Variants in LRMDA observed in about 807,000 individuals in gnomAD.
LRMDA encodes the protein leucine rich melanocyte differentiation associated.
In LRMDA, 18 loss-of-function variants were observed where a neutral mutation model predicts 29.8. The observed-to-expected ratio is 0.60, with a 90% confidence interval of 0.42 to 0.90. LRMDA has a LOEUF of 0.90. LRMDA is among the 40% of genes least tolerant of loss of function. LRMDA has a pLI of 0.00. For synonymous variants in LRMDA, 125 were observed against 109.4 expected (o/e 1.14, Z -0.89); for missense variants, 273 against 273.9 (o/e 1.00, Z 0.02).
intron 5 of LRMDA, among the ~76,000 whole-genome samples, chr10:76,059,543 T>A (rs564491489): frequency 1.3e-5 from 2 of 152,300 alleles, no homozygotes; most frequent in South Asian, 4.1e-4. Flanking sequence ...TGACCCCTGA[T>A]GATCTCCTTG....
chr10:76,121,461 G>A (rs1034760613), intron 5 of LRMDA, among the ~76,000 whole-genome samples: 1 of 152,170 alleles, frequency 6.6e-6, no homozygotes, highest in African/African-American at 2.4e-5. Context: ...ATCCACAATT[G>A]TCTGTCATCT....
intron 5 of LRMDA, among the ~76,000 whole-genome samples, chr10:76,225,464 C>A (rs1851935338): frequency 6.6e-6 from 1 of 151,748 alleles, no homozygotes; most frequent in South Asian, 2.1e-4. Context: ...GAGGTGGGGC[C>A]TAATGGGACC....
chr10:76,045,976 G>A (rs570043131), intron 3 of LRMDA, among the ~76,000 whole-genome samples: 3 of 152,304 alleles, frequency 2.0e-5, no homozygotes, highest in African/African-American at 7.2e-5. Flanking sequence ...CCTTTTCTTT[G>A]ATTTTACCTT....
chr10:76,211,772 G>A (rs1472132362), intron 5 of LRMDA, among the ~76,000 whole-genome samples: 1 of 152,218 alleles, frequency 6.6e-6, no homozygotes, highest in African/African-American at 2.4e-5. Flanking sequence ...CAATTCCTTA[G>A]TTTGTTGTTG....
chr10:75,679,069 A>G (rs1294648056), intron 2 of LRMDA, among the ~76,000 whole-genome samples: 2 of 152,164 alleles, frequency 1.3e-5, no homozygotes, highest in African/African-American at 4.8e-5. Context: ...GAAGACCTTC[A>G]GAGTTGGAGG....
At chr10:75,579,021 C>A (rs1840549842) in intron 2 of LRMDA, among the ~76,000 whole-genome samples, 1 of 151,970 alleles carries the variant, frequency 6.6e-6, no homozygotes, top group African/African-American at 2.4e-5. Context: ...GAAGCAGGAG[C>A]AAACAAATTC....
At chr10:75,557,747 C>A (rs1425977756) in intron 2 of LRMDA, among the ~76,000 whole-genome samples, 1 of 152,168 alleles carries the variant, frequency 6.6e-6, no homozygotes, top group African/African-American at 2.4e-5. Context: ...GCGATTTGTC[C>A]ACCCTTTAAG....
chr10:75,957,723 T>G (rs183754705), intron 2 of LRMDA, among the ~76,000 whole-genome samples: 2 of 152,198 alleles, frequency 1.3e-5, no homozygotes, highest in Non-Finnish European at 2.9e-5. Context: ...TTCATTTTCT[T>G]GAAAGTGCAT....
chr10:75,984,085 C>T (rs973835548), intron 2 of LRMDA, among the ~76,000 whole-genome samples: 7 of 152,160 alleles, frequency 4.6e-5, no homozygotes, highest in Admixed American at 2.0e-4. Context: ...ACCACAAGGT[C>T]GTGTGAGAAT....
chr10:75,951,546 C>T (rs910970285), intron 2 of LRMDA, among the ~76,000 whole-genome samples: 3 of 152,188 alleles, frequency 2.0e-5, no homozygotes, highest in Non-Finnish European at 2.9e-5. Flanking sequence ...AAGACCTGGA[C>T]GGCACTGCCA....
At chr10:75,928,370 T>C (rs1193285868) in intron 2 of LRMDA, among the ~76,000 whole-genome samples, 1 of 151,924 alleles carries the variant, frequency 6.6e-6, no homozygotes, top group Non-Finnish European at 1.5e-5. Flanking sequence ...CGTGATACAA[T>C]TTAAAAGGCC....
intron 2 of LRMDA, among the ~76,000 whole-genome samples, chr10:75,544,357 A>G (rs1840052657): frequency 6.6e-6 from 1 of 152,224 alleles, no homozygotes. Flanking sequence ...TTTCTAAACT[A>G]TCTCACAAAA....
chr10:75,600,565 AG>A (rs1210635987), intron 2 of LRMDA, among the ~76,000 whole-genome samples: 1 of 152,186 alleles, frequency 6.6e-6, no homozygotes, highest in Non-Finnish European at 1.5e-5. Context: ...CTGGGAAGAA[AG>A]AGGTCATGAG....
chr10:75,656,922 A>G (rs1024349839), intron 2 of LRMDA, among the ~76,000 whole-genome samples: 1 of 152,230 alleles, frequency 6.6e-6, no homozygotes, highest in African/African-American at 2.4e-5. Flanking sequence ...GGAGTATTAA[A>G]GTGTTTAAAG....
At chr10:76,236,527 T>A (rs972404004) in intron 5 of LRMDA, among the ~76,000 whole-genome samples, 1 of 152,222 alleles carries the variant, frequency 6.6e-6, no homozygotes, top group Non-Finnish European at 1.5e-5. Flanking sequence ...CATGACTTAC[T>A]CTGCACTCTT....
At chr10:76,365,105 T>TACACACAC (rs1446679435) in intron 6 of LRMDA, among the ~76,000 whole-genome samples, 4 of 14,366 alleles carry the variant, frequency 2.8e-4, no homozygotes, top group African/African-American at 1.1e-3. Context: ...TATATATATA[T>TACACACAC]ATACACACAC....
rs144209118 is a variant in LRMDA, at chr10:75,465,543, A to G, written c.131+27049A>G. Among the ~76,000 whole-genome samples, 100 of 152,316 alleles carry G rather than the reference A, an allele frequency of 6.6e-4. 1 individual carries two copies. Among genetic ancestry groups the G allele is most frequent in the Admixed American group, 4.1e-3 (62 of 15,304 alleles). On this transcript the variant is annotated intron_variant, in intron 2 of 6. Coordinates refer to ENST00000611255, the MANE Select transcript of LRMDA (RefSeq NM_001305581.2). ...GAGAATCTGAAACAGAGAAAAATTTATTGGGTAGTATTTAGAAACATGTCG... is the reference window on the plus strand; with the variant it reads ...GAGAATCTGAAACAGAGAAAAATTTGTTGGGTAGTATTTAGAAACATGTCG...
chr10:75,763,373 TA>T (rs750404743), intron 2 of LRMDA, among the ~76,000 whole-genome samples: 3 of 151,358 alleles, frequency 2.0e-5, no homozygotes, highest in South Asian at 2.1e-4. Context: ...ATAATGCCCT[TA>T]AAAAAAAACC....
chr10:75,986,348 A>T (rs1847261904), intron 2 of LRMDA, among the ~76,000 whole-genome samples: 1 of 152,208 alleles, frequency 6.6e-6, no homozygotes, highest in Non-Finnish European at 1.5e-5. Context: ...GAATACCAGG[A>T]TTGACTTAGG....
Sources: gnomAD v4.1 joint callset for allele counts (sites outside exome capture counted in the v4.1 genomes callset) on GRCh38, gnomAD v4.1.1 for gene constraint, MANE v1.5 for transcripts, NCBI Gene and HGNC (gene_info 2026-07-23, HGNC 2026-07-21) for gene names.